Variants in DRC8 observed in about 807,000 individuals in gnomAD.
The protein encoded by DRC8 is dynein regulatory complex protein 8.
chr1:245,053,446 A>T, the DRC8 span, among the ~76,000 whole-genome samples: 1 of 152,230 alleles, frequency 6.6e-6, no homozygotes, highest in Non-Finnish European at 1.5e-5. Flanking sequence ...CACAGCTTCC[A>T]GGGCCCCAGA....
At chr1:245,046,660 G>A in the DRC8 span, among the ~76,000 whole-genome samples, 7 of 152,126 alleles carry the variant, frequency 4.6e-5, no homozygotes, top group East Asian at 1.9e-4. Context: ...GCTCTGAGTC[G>A]TTTTTGCTTC....
At chr1:245,083,827 TG>T in the DRC8 span, 1 of 1,294,400 alleles carries the variant, frequency 7.7e-7, no homozygotes, top group Non-Finnish European at 1.0e-6. Flanking sequence ...TATTTTGGCT[TG>T]GGGATGGTTT....
At chr1:245,012,905 T>G in the DRC8 span, among the ~76,000 whole-genome samples, 3 of 152,122 alleles carry the variant, frequency 2.0e-5, no homozygotes, top group East Asian at 3.9e-4. Flanking sequence ...GCTAATAGAG[T>G]GGCAATAAAT....
chr1:245,062,173 A>G, the DRC8 span, among the ~76,000 whole-genome samples: 1 of 152,172 alleles, frequency 6.6e-6, no homozygotes, highest in African/African-American at 2.4e-5. Context: ...TCTGGTTGTC[A>G]TGTACTTGAA....
the DRC8 span, among the ~76,000 whole-genome samples, chr1:245,026,793 C>CAT: frequency 1.3e-5 from 2 of 152,048 alleles, no homozygotes; most frequent in South Asian, 4.1e-4. Flanking sequence ...AACATAGTAC[C>CAT]ATATATATAC....
At chr1:244,991,350 C>G in the DRC8 span, among the ~76,000 whole-genome samples, 2 of 152,030 alleles carry the variant, frequency 1.3e-5, no homozygotes, top group Non-Finnish European at 2.9e-5. Context: ...CATTCCAGAG[C>G]TCTTGGAACC....
At chr1:245,035,341 C>T in the DRC8 span, among the ~76,000 whole-genome samples, 2 of 152,074 alleles carry the variant, frequency 1.3e-5, no homozygotes, top group Non-Finnish European at 2.9e-5. Flanking sequence ...GTAATTAAGA[C>T]TGTGATACTG....
chr1:245,066,444 G>A, the DRC8 span, among the ~76,000 whole-genome samples: 4 of 152,292 alleles, frequency 2.6e-5, no homozygotes, highest in Admixed American at 2.6e-4. Context: ...AGTGAATTAA[G>A]TATGCATGTG....
chr1:245,080,753 C>G, the DRC8 span, among the ~76,000 whole-genome samples: 11 of 152,318 alleles, frequency 7.2e-5, no homozygotes, highest in East Asian at 1.5e-3. Context: ...GAAGCTGCCT[C>G]ACCCTCAAGC....
the DRC8 span, among the ~76,000 whole-genome samples, chr1:245,016,894 C>T: frequency 1.3e-5 from 2 of 152,176 alleles, no homozygotes; most frequent in Non-Finnish European, 2.9e-5. Context: ...TACGACTCTA[C>T]CCAAAGGACT....
chr1:245,089,758 G>A, the DRC8 span, among the ~76,000 whole-genome samples: 8 of 152,144 alleles, frequency 5.3e-5, no homozygotes, highest in Admixed American at 5.2e-4. The surrounding 1 kb of genome is among the most constrained non-coding windows in gnomAD (Gnocchi z 4.8). Context: ...GGCTCGGGGA[G>A]TGATTTTTGG....
At chr1:244,977,932 GGACA>G in the DRC8 span, among the ~76,000 whole-genome samples, 4 of 152,154 alleles carry the variant, frequency 2.6e-5, no homozygotes, top group African/African-American at 9.7e-5. Flanking sequence ...AAATGGGTAA[GGACA>G]CGTGGGGGAG....
chr1:245,005,466 T>A, the DRC8 span, among the ~76,000 whole-genome samples: 1 of 151,982 alleles, frequency 6.6e-6, no homozygotes, highest in Admixed American at 6.6e-5. Flanking sequence ...TTCTCATGCC[T>A]CAGCCTCCTG....
the DRC8 span, among the ~76,000 whole-genome samples, chr1:245,074,518 C>T: frequency 6.6e-6 from 1 of 152,210 alleles, no homozygotes; most frequent in East Asian, 1.9e-4. Context: ...TGCAGCCTTT[C>T]CCCCATCTCT....
the DRC8 span, among the ~76,000 whole-genome samples, chr1:245,114,463 T>TAA: frequency 7.1e-3 from 988 of 138,676 alleles, 7 homozygotes; most frequent in African/African-American, 0.02. Context: ...AGACTCCATC[T>TAA]AAAAAAAAAA....
At chr1:245,108,413 A>T in the DRC8 span, among the ~76,000 whole-genome samples, 1 of 152,114 alleles carries the variant, frequency 6.6e-6, no homozygotes, top group Non-Finnish European at 1.5e-5. Context: ...GAAAAGACAC[A>T]TTGTTTCCGG....
chr1:245,035,606 C>T, the DRC8 span, among the ~76,000 whole-genome samples: 1 of 152,158 alleles, frequency 6.6e-6, no homozygotes, highest in Non-Finnish European at 1.5e-5. Context: ...GTGGCTCACG[C>T]CTGTAATTCC....
the DRC8 span, among the ~76,000 whole-genome samples, chr1:245,074,363 A>G: frequency 2.6e-5 from 4 of 152,252 alleles, no homozygotes; most frequent in African/African-American, 9.6e-5. Flanking sequence ...CAAATACAAT[A>G]AAACTACTTG....
At chr1:245,056,719 C>T in the DRC8 span, among the ~76,000 whole-genome samples, 175 of 152,142 alleles carry the variant, frequency 1.2e-3, 1 homozygote, top group African/African-American at 3.7e-3. Flanking sequence ...GGGTGGATCA[C>T]GAGGTCAAGA....
Sources: allele counts gnomAD v4.1 joint callset (sites outside exome capture counted in the v4.1 genomes callset), GRCh38; gene constraint gnomAD v4.1.1; non-coding constraint Gnocchi (gnomAD v3.1); transcripts MANE v1.5; gene names NCBI Gene and HGNC (gene_info 2026-07-23, HGNC 2026-07-21).